DPRX: variants seen among roughly 807,000 people sequenced by gnomAD.
The protein encoded by DPRX is divergent-paired related homeobox, also known as divergent paired-related homeobox.
DPRX carries 11 observed loss-of-function variants against 8.4 expected under a neutral mutation model. That is an observed-to-expected ratio of 1.31 (90% confidence interval 0.82 to 2.17). The LOEUF is 2.17. DPRX is among the 30% of genes most tolerant of loss of function. The pLI is 0.00. For missense variants in DPRX, 211 were observed against 236.7 expected, an observed-to-expected ratio of 0.89 and a Z score of 0.71; for synonymous variants, 72 against 87.0, an observed-to-expected ratio of 0.83 and a Z score of 0.96.
intron 1 of DPRX, among the ~76,000 whole-genome samples, chr19:53,633,653 G>A (rs1348775183): frequency 1.3e-5 from 2 of 152,092 alleles, no homozygotes; most frequent in African/African-American, 4.8e-5. Flanking sequence ...GGGACTACAG[G>A]CGTGCACCAT....
chr19:53,626,697 T>C, the DPRX span, among the ~76,000 whole-genome samples: 1 of 152,112 alleles, frequency 6.6e-6, no homozygotes, highest in African/African-American at 2.4e-5. Context: ...GAGGTTCTCA[T>C]GGGCCGTCTC....
At chr19:53,609,967 A>T in the DPRX span, among the ~76,000 whole-genome samples, 1 of 151,804 alleles carries the variant, frequency 6.6e-6, no homozygotes, top group Non-Finnish European at 1.5e-5. Context: ...CCTGGGCAAC[A>T]GAGCAAGACT....
chr19:53,623,910 A>G, the DPRX span, among the ~76,000 whole-genome samples: 2 of 151,794 alleles, frequency 1.3e-5, no homozygotes, highest in Non-Finnish European at 2.9e-5. Context: ...AGATTGCGCC[A>G]TTGCACTCCA....
chr19:53,618,608 C>T, the DPRX span, among the ~76,000 whole-genome samples: 1 of 130,298 alleles, frequency 7.7e-6, no homozygotes, highest in Non-Finnish European at 1.6e-5. Flanking sequence ...TAGCAAGACC[C>T]CATCTCTAAA....
chr19:53,626,133 T>G, the DPRX span, among the ~76,000 whole-genome samples: 3 of 152,074 alleles, frequency 2.0e-5, no homozygotes, highest in Non-Finnish European at 4.4e-5. Flanking sequence ...AGACGAGACT[T>G]CACCATGTTG....
At chr19:53,608,953 C>CAAAAAAAAAAAAAAAA in the DPRX span, among the ~76,000 whole-genome samples, 1 of 76,930 alleles carries the variant, frequency 1.3e-5, no homozygotes, top group Non-Finnish European at 2.4e-5. Flanking sequence ...GAGACTCCGT[C>CAAAAAAAAAAAAAAAA]AAAAAAAAAA....
intron 2 of DPRX, 135 bp downstream of exon 2, chr19:53,634,820 C>T: frequency 1.6e-6 from 2 of 1,261,032 alleles, no homozygotes; most frequent in African/African-American, 3.0e-5. Flanking sequence ...ACTCACGTCC[C>T]CGTAAACCTT....
the DPRX span, chr19:53,604,629 G>A: frequency 6.6e-6 from 1 of 152,274 alleles, no homozygotes; most frequent in Non-Finnish European, 1.5e-5. Flanking sequence ...GATCACCTGA[G>A]GTCAGGAGTT....
At chr19:53,615,428 G>A in the DPRX span, among the ~76,000 whole-genome samples, 1,688 of 151,664 alleles carry the variant, frequency 0.011, 35 homozygotes, top group African/African-American at 0.038. Flanking sequence ...TTACAGGTGC[G>A]TGCCACCACG....
chr19:53,603,117 T>A, the DPRX span, among the ~76,000 whole-genome samples: 3 of 150,946 alleles, frequency 2.0e-5, no homozygotes, highest in African/African-American at 7.3e-5. Flanking sequence ...AGTGGTGTGG[T>A]CTTGATTCAC....
At chr19:53,612,105 G>A in the DPRX span, among the ~76,000 whole-genome samples, 1 of 152,026 alleles carries the variant, frequency 6.6e-6, no homozygotes, top group African/African-American at 2.4e-5. Flanking sequence ...TAAGCTGGGT[G>A]GTGCAGTGGC....
chr19:53,601,693 G>A, the DPRX span, among the ~76,000 whole-genome samples: 1 of 151,982 alleles, frequency 6.6e-6, no homozygotes, highest in Non-Finnish European at 1.5e-5. Flanking sequence ...TGTTGGTCAG[G>A]CTGGTCCCGA....
At chr19:53,628,328 G>A (rs1022889155), upstream of DPRX, among the ~76,000 whole-genome samples, 3 of 152,220 alleles carry the variant, frequency 2.0e-5, no homozygotes, top group Middle Eastern at 3.4e-3. Context: ...GAGCAACAGA[G>A]CAAGACCCTG....
At chr19:53,609,084 C>T in the DPRX span, among the ~76,000 whole-genome samples, 3 of 150,712 alleles carry the variant, frequency 2.0e-5, no homozygotes, top group African/African-American at 7.3e-5. Context: ...GAATCCTGAA[C>T]AAAAAGAATA....
the DPRX span, among the ~76,000 whole-genome samples, chr19:53,619,381 A>G: frequency 6.6e-6 from 1 of 152,046 alleles, no homozygotes; most frequent in Non-Finnish European, 1.5e-5. Context: ...TCTACTAAAA[A>G]TGCAGAAAAC....
the DPRX span, among the ~76,000 whole-genome samples, chr19:53,614,234 G>A: frequency 6.6e-6 from 1 of 152,218 alleles, no homozygotes; most frequent in African/African-American, 2.4e-5. Context: ...ACAGGCGTGA[G>A]CCACTGCACC....
the DPRX span, among the ~76,000 whole-genome samples, chr19:53,611,299 G>A: frequency 6.6e-6 from 1 of 151,892 alleles, no homozygotes; most frequent in Non-Finnish European, 1.5e-5. Context: ...ACATGGTCTC[G>A]CTGTGTCACT....
the DPRX span, among the ~76,000 whole-genome samples, chr19:53,620,917 T>C: frequency 2.0e-5 from 3 of 151,972 alleles, no homozygotes; most frequent in Admixed American, 1.3e-4. Context: ...TTCTATGGGA[T>C]AAATGACAGC....
chr19:53,602,570 G>A, the DPRX span, among the ~76,000 whole-genome samples: 2,193 of 145,534 alleles, frequency 0.015, 70 homozygotes, highest in African/African-American at 0.054. Context: ...GTCTTTCTCT[G>A]TTGCCCAGGC....
Sources: allele counts gnomAD v4.1 joint callset (sites outside exome capture counted in the v4.1 genomes callset), GRCh38; gene constraint gnomAD v4.1.1; transcripts MANE v1.5; gene names NCBI Gene and HGNC (gene_info 2026-07-23, HGNC 2026-07-21).